Variants in FAM120AOS observed in about 807,000 individuals in gnomAD.
FAM120AOS encodes uncharacterized protein FAM120AOS.
In FAM120AOS, 15 loss-of-function variants were observed where a neutral mutation model predicts 20.2. That is an observed-to-expected ratio of 0.74 (90% CI 0.50 to 1.15). The LOEUF is 1.15. Ranked by LOEUF, FAM120AOS falls within the 50% of genes most tolerant of loss-of-function variation. FAM120AOS has a pLI of 0.00. For missense variants in FAM120AOS, 327 were observed against 351.9 expected, an observed-to-expected ratio of 0.93 and a Z score of 0.57; for synonymous variants, 154 against 154.0, an observed-to-expected ratio of 1.00 and a Z score of 0.00.
At chr9:93,451,200 G>C (rs1857159276) in intron 1 of FAM120AOS, 6 of 1,538,014 alleles carry the variant, frequency 3.9e-6, no homozygotes, top group Non-Finnish European at 4.4e-6. Context: ...AGCAGGCCCA[G>C]AGTGGTGCGA....
At position 93,452,784 on chromosome 9, in the gene FAM120AOS, T is replaced by C; in HGVS notation, c.-75A>G. The C allele has an allele frequency of 6.3e-7, 1 of 1,593,540 alleles. No individual in the cohort carries two copies. The highest frequency in any genetic ancestry group is 1.1e-5 in the South Asian group (1 of 90,070). ...CTCCCTTTTCTAATTTAGCCTGTTC[T>C]TTCCCAGCAACAGGTTCATCTTGGA... On this transcript the variant is annotated 5_prime_UTR_variant, in exon 1 of 3. Coordinates refer to ENST00000375412, the MANE Select transcript of FAM120AOS (RefSeq NM_198841.4). The surrounding 1 kb of genome is among the most constrained non-coding windows in gnomAD (Gnocchi z 7.0).
chr9:93,444,104 G>C lies in FAM120AOS; in HGVS notation c.*3507C>G, dbSNP rs772111651. ...TGTCCAGGCTGGAGTGCAATGGCGC[G>C]ATCTCGGCTCACTGCAACCTCCACC... On this transcript the variant is annotated 3_prime_UTR_variant, in exon 3 of 3. Transcript: ENST00000375412. Among the ~76,000 whole-genome samples the C allele has an allele frequency of 6.6e-6, 1 of 152,048 alleles. No homozygotes were observed. Among genetic ancestry groups the C allele is most frequent in the Non-Finnish European group, 1.5e-5 (1 of 68,012 alleles).
At chr9:93,447,881 C>T (rs1362581576) in intron 2 of FAM120AOS, among the ~76,000 whole-genome samples, 184 bp from the exon 3 acceptor site, 2 of 152,216 alleles carry the variant, frequency 1.3e-5, no homozygotes, top group Non-Finnish European at 2.9e-5. Flanking sequence ...TGCCGATACA[C>T]GGCTGCAGTG....
Position 93,447,494 on chromosome 9 carries a change from C to T in FAM120AOS, c.*117G>A, listed in dbSNP as rs1168353804. 1.1e-6 allele frequency: 1 copy of T among 949,412 alleles called. No individual in the cohort carries two copies. Among genetic ancestry groups the T allele is most frequent in the East Asian group, 2.4e-5 (1 of 41,504 alleles). The allele number at this position is 949,412 out of a possible 1,614,324, so 58.8% of individuals were successfully genotyped here. On this transcript the variant is annotated 3_prime_UTR_variant, in exon 3 of 3. Transcript: ENST00000375412. ...AAAACACCCTCCAATATAGAGAGAA[C>T]TCTGAAACCAGAAGCAGAAGCTGAG...
intron 2 of FAM120AOS, 146 bp from the exon 3 acceptor site, chr9:93,447,843 G>A: frequency 1.4e-6 from 1 of 704,900 alleles, no homozygotes; most frequent in Non-Finnish European, 2.3e-6. Context: ...TGGAGAGATA[G>A]CAGAGCCTGA....
chr9:93,452,188 G>A lies in FAM120AOS; in HGVS notation c.522C>T (p.Ser174=). The change falls in exon 1 of 3, where the codon AGC becomes AGT. Residue 174 remains serine, a synonymous_variant. Coordinates refer to ENST00000375412, the MANE Select transcript of FAM120AOS (RefSeq NM_198841.4). The surrounding 1 kb of genome is among the most constrained non-coding windows in gnomAD (Gnocchi z 7.0). ...FSSAPLKKTK[S]SMLPPKQALA... is the part of the protein sequence containing the mutation. ...AGGCCTGCTTCGGCGGCAACATCGA[G>A]CTCTTCGTCTTCTTCAACGGCGCGC... 1 of 1,612,078 alleles carries A rather than the reference G, an allele frequency of 6.2e-7. No individual in the cohort carries two copies. The highest frequency in any genetic ancestry group is 8.5e-7 in the Non-Finnish European group (1 of 1,179,812).
chr9:93,451,889 ACCCGCG>A (rs1169884209), intron 1 of FAM120AOS: 49 of 1,129,542 alleles, frequency 4.3e-5, no homozygotes, highest in South Asian at 3.9e-4. Context: ...CCCCGCCCGC[ACCCGCG>A]CCCGCGCCCC....
At chr9:93,450,862 G>A in intron 1 of FAM120AOS, 1 of 909,398 alleles carries the variant, frequency 1.1e-6, no homozygotes, top group Non-Finnish European at 1.8e-6. Context: ...CCTCAGAAGA[G>A]CTGGGAGATC....
chr9:93,452,569 G>T lies in FAM120AOS; in HGVS notation c.141C>A (p.Arg47=). The change falls in exon 1 of 3, where the codon CGC becomes CGA. Residue 47 remains arginine (R), a synonymous_variant. Coordinates refer to ENST00000375412, the MANE Select transcript of FAM120AOS (RefSeq NM_198841.4). This position sits in a 1 kb window ranked among gnomAD's most constrained non-coding sequence, Gnocchi z 7.0. ...RDSWRRAWAA[R]GLHPRPSILQ... ...AGATGGATGGCCGCGGGTGCAGGCC[G>T]CGCGCTGCCCAAGCCCGTCTCCAGC... 1 of 1,591,600 alleles carries T rather than the reference G, an allele frequency of 6.3e-7. No individual in the cohort carries two copies.
rs1856779724 is a variant in FAM120AOS, at chr9:93,444,254, G to T, written c.*3357C>A. The stretch of plus-strand genomic sequence containing the variant: ...AGGGTTTCTCCATGTTGGTCAGGCT[G>T]GTCTTGAACTCCTGACTTCAGGTGA... On this transcript the variant is annotated 3_prime_UTR_variant, in exon 3 of 3. Coordinates refer to ENST00000375412, the MANE Select transcript of FAM120AOS (RefSeq NM_198841.4). 1.3e-5 allele frequency among the ~76,000 whole-genome samples: 2 copies of T among 152,070 alleles called. No homozygotes were observed. Among genetic ancestry groups the T allele is most frequent in the African/African-American group, 4.8e-5 (2 of 41,388 alleles).
chr9:93,443,787 G>C lies in FAM120AOS; in HGVS notation c.*3824C>G, dbSNP rs1436798360. On this transcript the variant is annotated 3_prime_UTR_variant, in exon 3 of 3. Transcript: ENST00000375412. The stretch of plus-strand genomic sequence containing the variant: ...CTCTTTTCAGGTCTTTGCTCTTCAG[G>C]ATTTCCCCCCAGACTCCCTGGCACC... 8.5e-5 allele frequency among the ~76,000 whole-genome samples: 13 copies of C among 152,088 alleles called. No homozygotes were observed.
chr9:93,453,466 C>A lies in FAM120AOS; in HGVS notation c.-757G>T. 1.0e-6 allele frequency: 1 copy of A among 985,486 alleles called. No homozygotes were observed. Among genetic ancestry groups the A allele is most frequent in the Non-Finnish European group, 1.2e-6 (1 of 829,954 alleles). The allele number at this position is 985,486 out of a possible 1,614,324, so 61.0% of individuals were successfully genotyped here. On this transcript the variant is annotated 5_prime_UTR_variant, in exon 1 of 3. It introduces an in-frame stop codon into an upstream open reading frame of the 5' UTR. Transcript: ENST00000375412. ...TTTTGTTGTCTTAGCTCTTGACACT[C>A]GGTCTTCCATCTTGTCATTTGACAT...
At position 93,450,524 on chromosome 9, in the gene FAM120AOS, G is replaced by A. The variant is rs766224553; in HGVS notation, c.639C>T (p.His213=). Residue 213 remains histidine, a synonymous_variant, in exon 2 of 3, where the codon CAC becomes CAT. Transcript: ENST00000375412. Reference sequence around the variant, plus strand: ...GGGCTTCTTTGGCCAAACCGTGCGCGTGCAGGCTCCATGTGCTGGGCAGCA... The same window carrying A: ...GGGCTTCTTTGGCCAAACCGTGCGCATGCAGGCTCCATGTGCTGGGCAGCA... ...GQLLPSTWSL[H]AHGLAKEAPI... is the part of the protein sequence containing the mutation. The A allele has an allele frequency of 7.5e-6, 12 of 1,603,012 alleles. No homozygotes were observed. The highest frequency in any genetic ancestry group is 1.3e-5 in the African/African-American group (1 of 74,330).
At chr9:93,447,929 A>C (rs920066964) in intron 2 of FAM120AOS, among the ~76,000 whole-genome samples, 3 of 152,228 alleles carry the variant, frequency 2.0e-5, no homozygotes, top group Admixed American at 6.5e-5. Context: ...AAGCAGGCCT[A>C]CAGATGTGTG....
Position 93,447,367 on chromosome 9 carries a change from T to C in FAM120AOS, c.*244A>G. On this transcript the variant is annotated 3_prime_UTR_variant, in exon 3 of 3. Transcript: ENST00000375412. ...AGGGGCTCAGTCGCTGTTTGTCTTATTTTCTTGTTGACTCTACTCTGACTT... is the reference window on the plus strand; with the variant it reads ...AGGGGCTCAGTCGCTGTTTGTCTTACTTTCTTGTTGACTCTACTCTGACTT... 2.2e-6 allele frequency: 1 copy of C among 447,074 alleles called. No individual in the cohort carries two copies. Among genetic ancestry groups the C allele is most frequent in the Non-Finnish European group, 4.0e-6 (1 of 247,440 alleles). 27.7% of individuals were successfully genotyped at this position (447,074 alleles called of 1,614,324 possible). A position where few individuals can be genotyped will look rare whatever the true frequency, so the allele number is the denominator to read the frequency against.
Position 93,447,435 on chromosome 9 carries a change from G to T in FAM120AOS, c.*176C>A. 1.6e-6 allele frequency: 1 copy of T among 608,584 alleles called. No homozygotes were observed. The highest frequency in any genetic ancestry group is 2.9e-6 in the Non-Finnish European group (1 of 340,280). The allele number at this position is 608,584 out of a possible 1,614,324, so 37.7% of individuals were successfully genotyped here. On this transcript the variant is annotated 3_prime_UTR_variant, in exon 3 of 3. Transcript: ENST00000375412. ...TCTCTTGACCTTCACATTCAGATGT[G>T]TTAATAAAAGTGGATAAAGACCACT...
chr9:93,451,635 C>G (rs1857207231), intron 1 of FAM120AOS: 1 of 981,748 alleles, frequency 1.0e-6, no homozygotes, highest in African/African-American at 1.8e-5. Flanking sequence ...GGGTCCGCTA[C>G]GTCAGCGCCG....
chr9:93,449,440 A>G (rs947724801), intron 2 of FAM120AOS, among the ~76,000 whole-genome samples: 13 of 151,820 alleles, frequency 8.6e-5, no homozygotes, highest in African/African-American at 2.7e-4. Flanking sequence ...CCTCTACAAT[A>G]TAATAAGGTG....
At chr9:93,450,693 G>A in intron 1 of FAM120AOS, 94 bp from the exon 2 acceptor site, 1 of 1,528,720 alleles carries the variant, frequency 6.5e-7, no homozygotes, top group Admixed American at 1.9e-5. Flanking sequence ...TATTCTGAAA[G>A]ACATTAATCT....
Sources: gnomAD v4.1 joint callset for allele counts (sites outside exome capture counted in the v4.1 genomes callset) on GRCh38, gnomAD v4.1.1 for gene constraint, Gnocchi (gnomAD v3.1) non-coding constraint, MANE v1.5 for transcripts, NCBI Gene and HGNC (gene_info 2026-07-23, HGNC 2026-07-21) for gene names.